The following ZNF697 variants were observed in gnomAD, a reference collection of about 807,000 sequenced individuals.
ZNF697 encodes the protein zinc finger protein 697.
A neutral mutation model predicts 32.4 loss-of-function variants in ZNF697; 23 were observed. That is an observed-to-expected ratio of 0.71 (90% confidence interval 0.51 to 1.01). The LOEUF is 1.01. Ranked by LOEUF, ZNF697 falls within the 50% of genes least tolerant of loss-of-function variation. The pLI, the probability that ZNF697 is intolerant of heterozygous loss-of-function variation, is 0.00. For synonymous variants in ZNF697, 418 were observed against 337.2 expected (o/e 1.24, Z -2.62); for missense variants, 930 against 794.0 (o/e 1.17, Z -2.06).
chr1:119,641,181 C>T (rs193135478), intron 1 of ZNF697, among the ~76,000 whole-genome samples: 4 of 152,250 alleles, frequency 2.6e-5, no homozygotes, highest in Non-Finnish European at 1.5e-5. Flanking sequence ...GTGGCAACTG[C>T]CCCCCAGACT....
intron 1 of ZNF697, among the ~76,000 whole-genome samples, chr1:119,645,624 T>C (rs187186715): frequency 6.6e-6 from 1 of 152,126 alleles, no homozygotes; most frequent in Admixed American, 6.5e-5. Context: ...GATGGGTAGG[T>C]AAATTGGGGT....
chr1:119,627,657 C>T (rs587603460), intron 1 of ZNF697, among the ~76,000 whole-genome samples: 7 of 152,280 alleles, frequency 4.6e-5, no homozygotes, highest in South Asian at 2.1e-4. Context: ...TTCTGAGAGA[C>T]GATGATGCGC....
intron 1 of ZNF697, among the ~76,000 whole-genome samples, chr1:119,635,025 G>A (rs749340302): frequency 2.4e-4 from 37 of 152,184 alleles, no homozygotes; most frequent in South Asian, 6.2e-4. Flanking sequence ...CTGGGGTACA[G>A]ATGAAACAAT....
At chr1:119,632,056 A>C (rs587746541) in intron 1 of ZNF697, among the ~76,000 whole-genome samples, 1 of 152,078 alleles carries the variant, frequency 6.6e-6, no homozygotes, top group South Asian at 2.1e-4. Context: ...TCATTTGTCC[A>C]TCTTCAGCAC....
rs769097964 is a variant in ZNF697, at chr1:119,623,980, G to T, written c.363C>A (p.Asp121Glu). ...SISRSLREDD[D>E]ESAGENRLEE... ...CCAGCCGGTTCTCCCCAGCACTCTC[G>T]TCGTCGTCCTCCCGGAGGCTCCGGG... Residue 121 changes from aspartate to glutamate, a missense_variant, in exon 3 of 3, where the codon GAC becomes GAA. Asp to Glu is a conservative substitution (Grantham distance 45). Coordinates refer to ENST00000421812, the MANE Select transcript of ZNF697 (RefSeq NM_001080470.2). 1 of 1,610,782 alleles carries T rather than the reference G, an allele frequency of 6.2e-7. No individual in the cohort carries two copies.
Position 119,623,845 on chromosome 1 carries a change from G to C in ZNF697, c.498C>G (p.Leu166=). Residue 166 remains leucine (L), a synonymous_variant, in exon 3 of 3, where the codon CTC becomes CTG. Coordinates refer to ENST00000421812, the MANE Select transcript of ZNF697 (RefSeq NM_001080470.2). ...CGAGGTCCACGGCCATGGGGTGGTG[G>C]AGCCGGTGGAAGCGGCGGTGGGCGG... ...DKPAHRRFHR[L]HHPMAVDLGE... 6.5e-7 allele frequency: 1 copy of C among 1,544,348 alleles called. No homozygotes were observed. The highest frequency in any genetic ancestry group is 8.8e-7 in the Non-Finnish European group (1 of 1,142,674).
rs1345924609 is a variant in ZNF697 at position 119,623,284 on chromosome 1, G to T, written c.1059C>A (p.Phe353Leu). Residue 353 changes from phenylalanine to leucine, a missense_variant, in exon 3 of 3, where the codon TTC becomes TTA. Coordinates refer to ENST00000421812, the MANE Select transcript of ZNF697 (RefSeq NM_001080470.2). ...AGCCCTTGCCGCACTCCCCGCAGGC[G>T]AAGGGCCGCAGCGCCGCCGCCCCCG... is the stretch of plus-strand genomic sequence containing the variant. ...SGAGAAALRP[F>L]ACGECGKGFV... 7 of 1,471,490 alleles carry T rather than the reference G, an allele frequency of 4.8e-6. No homozygotes were observed. The Admixed American group carries it at 9.7e-5, about 20-fold the overall frequency. 91.2% of individuals were successfully genotyped at this position (1,471,490 alleles called of 1,614,324 possible). A position where few individuals can be genotyped will look rare whatever the true frequency, so the allele number is the denominator to read the frequency against.
At chr1:119,626,761 G>A (rs1184485308) in intron 1 of ZNF697, among the ~76,000 whole-genome samples, 1 of 152,232 alleles carries the variant, frequency 6.6e-6, no homozygotes, top group Admixed American at 6.5e-5. Context: ...CCTGGCTTTT[G>A]TAGTGAGGAT....
In ZNF697 at chr1:119,623,994, G is replaced by C; in HGVS notation, c.349C>G (p.Arg117Gly). 6.2e-7 allele frequency: 1 copy of C among 1,612,182 alleles called. No individual in the cohort carries two copies. Among genetic ancestry groups the C allele is most frequent in the East Asian group, 2.2e-5 (1 of 44,820 alleles). Residue 117 changes from arginine to glycine, a missense_variant, in exon 3 of 3, where the codon CGG (arginine) becomes GGG (glycine). By Grantham distance (125) the Arg-to-Gly change is moderately radical (BLOSUM62 -2). Transcript: ENST00000421812. ...CCAGCACTCTCGTCGTCGTCCTCCCGGAGGCTCCGGGATATGCTGTCAGAC... is the reference window on the plus strand; with the variant it reads ...CCAGCACTCTCGTCGTCGTCCTCCCCGAGGCTCCGGGATATGCTGTCAGAC... ...SESDSISRSL[R>G]EDDDESAGEN...
chr1:119,623,057 C>T lies in ZNF697; in HGVS notation c.1286G>A (p.Arg429His). Reference protein sequence around the residue: ...SVSSHLFTHKRTHSGERPYVC... With the variant: ...SVSSHLFTHKHTHSGERPYVC... The stretch of plus-strand genomic sequence containing the variant: ...GTAGGGCCGCTCACCCGAGTGCGTG[C>T]GCTTGTGCGTGAAGAGGTGCGAGCT... Residue 429 changes from arginine (R) to histidine (H), a missense_variant, in exon 3 of 3, where the codon CGC (arginine) becomes CAC (histidine). Transcript: ENST00000421812. 3 of 1,586,474 alleles carry T rather than the reference C, an allele frequency of 1.9e-6. No homozygotes were observed. The highest frequency in any genetic ancestry group is 2.6e-6 in the Non-Finnish European group (3 of 1,166,686).
At position 119,631,334 on chromosome 1, in the gene ZNF697, A is replaced by G. The variant is rs1289437075; in HGVS notation, c.-37-5197T>C. Among the ~76,000 whole-genome samples the G allele has an allele frequency of 3.9e-5, 6 of 152,354 alleles. No homozygotes were observed. The East Asian group carries it at 1.2e-3, about 29-fold the overall frequency. On this transcript the variant is annotated intron_variant, in intron 1 of 2. Transcript: ENST00000421812. The stretch of plus-strand genomic sequence containing the variant: ...CGGGTCCATCTCCTTTGACTCCAGT[A>G]ACTGAGAGGTAAATCAGGGTGACCC...
chr1:119,623,134 G>C lies in ZNF697; in HGVS notation c.1209C>G (p.His403Gln). ...AGCACATGTAGGGCTTCTCGCCCGTGTGCACGCGCTGGTGCTTCACCAAGT... is the reference window on the plus strand; with the variant it reads ...AGCACATGTAGGGCTTCTCGCCCGTCTGCACGCGCTGGTGCTTCACCAAGT... Reference protein sequence around the residue: ...RSDLVKHQRVHTGEKPYMCSE... With the variant: ...RSDLVKHQRVQTGEKPYMCSE... The change falls in exon 3 of 3, where the codon CAC (histidine) becomes CAG (glutamine). Residue 403 changes from histidine (H) to glutamine (Q), a missense_variant. Physicochemically the swap from His to Gln is conservative, Grantham distance 24. Coordinates refer to ENST00000421812, the MANE Select transcript of ZNF697 (RefSeq NM_001080470.2). 6.3e-7 allele frequency: 1 copy of C among 1,591,406 alleles called. No individual in the cohort carries two copies. The highest frequency in any genetic ancestry group is 8.6e-7 in the Non-Finnish European group (1 of 1,169,314).
rs10494228 is a variant in ZNF697, at chr1:119,635,202, G to T, written c.-37-9065C>A. ...GGTTATTTATGTTCATTTAAGTTTT[G>T]GCCAGAACATAATAAAATATCAGTG... is the stretch of plus-strand genomic sequence containing the variant. On this transcript the variant is annotated intron_variant, in intron 1 of 2. Coordinates refer to ENST00000421812, the MANE Select transcript of ZNF697 (RefSeq NM_001080470.2). Among the ~76,000 whole-genome samples the T allele has an allele frequency of 8.8e-3, 1,333 of 151,848 alleles. 11 individuals are homozygous for T. Among genetic ancestry groups the T allele is most frequent in the Non-Finnish European group, 0.013 (877 of 67,930 alleles).
In ZNF697 at chr1:119,620,166, G is replaced by A. The variant is rs1648265590; in HGVS notation, c.*2539C>T. The A allele has an allele frequency of 1.3e-5, 2 of 152,744 alleles. No homozygotes were observed. Among genetic ancestry groups the A allele is most frequent in the East Asian group, 1.9e-4 (1 of 5,184 alleles). The allele number at this position is 152,744 out of a possible 1,614,324, so 9.5% of individuals were successfully genotyped here. ...TTCTTCTGCTAAGAATGTGCTCATA[G>A]AAGGGATATCAACGTAGCAGCTGAC... On this transcript the variant is annotated 3_prime_UTR_variant, in exon 3 of 3. Coordinates refer to ENST00000421812, the MANE Select transcript of ZNF697 (RefSeq NM_001080470.2).
At position 119,621,822 on chromosome 1, in the gene ZNF697, A is replaced by G. The variant is rs942609195; in HGVS notation, c.*883T>C. 2 of 152,244 alleles carry G rather than the reference A, an allele frequency of 1.3e-5. No homozygotes were observed. Among genetic ancestry groups the G allele is most frequent in the East Asian group, 3.8e-4 (2 of 5,204 alleles). 9.4% of individuals were successfully genotyped at this position (152,244 alleles called of 1,614,324 possible). A position where few individuals can be genotyped will look rare whatever the true frequency, so the allele number is the denominator to read the frequency against. On this transcript the variant is annotated 3_prime_UTR_variant, in exon 3 of 3. Coordinates refer to ENST00000421812, the MANE Select transcript of ZNF697 (RefSeq NM_001080470.2). ...ACACCTACATCAAGGTGAGGTGGGA[A>G]AAGGAAAGTCACACATAGCTGTGAT...
intron 1 of ZNF697, among the ~76,000 whole-genome samples, chr1:119,637,814 T>C (rs1648963637): frequency 6.6e-6 from 1 of 152,162 alleles, no homozygotes; most frequent in African/African-American, 2.4e-5. Context: ...GAACATCTTG[T>C]TGGCTAGAAA....
At position 119,623,872 on chromosome 1, in the gene ZNF697, C is replaced by T; in HGVS notation, c.471G>A (p.Lys157=). ...LSLGSRHRGD[K]PAHRRFHRLH... ...GCCGGTGGAAGCGGCGGTGGGCGGG[C>T]TTGTCACCTCGGTGCCGACTCCCCA... The change falls in exon 3 of 3, where the codon AAG becomes AAA. Residue 157 remains lysine (K), a synonymous_variant. Coordinates refer to ENST00000421812, the MANE Select transcript of ZNF697 (RefSeq NM_001080470.2). The T allele has an allele frequency of 1.3e-6, 2 of 1,541,396 alleles. No individual in the cohort carries two copies. Among genetic ancestry groups the T allele is most frequent in the Non-Finnish European group, 1.8e-6 (2 of 1,140,832 alleles).
chr1:119,643,977 G>T (rs368802962), intron 1 of ZNF697, among the ~76,000 whole-genome samples: 6 of 152,192 alleles, frequency 3.9e-5, no homozygotes, highest in African/African-American at 1.4e-4. Flanking sequence ...AATATTTCGT[G>T]CCTCCATTTC....
In ZNF697 at chr1:119,648,202, T is replaced by TTGGCTGGCTGGC. The variant is rs587734493; in HGVS notation, c.-561_-550dup. ...GCTGGGTGGCCCGCTGGCTGGCTGG[T>TTGGCTGGCTGGC]TGGCTGGCTGGCTGGCTGGCTGGCT... is the stretch of plus-strand genomic sequence containing the variant. On this transcript the variant is annotated 5_prime_UTR_variant, in exon 1 of 3. Coordinates refer to ENST00000421812, the MANE Select transcript of ZNF697 (RefSeq NM_001080470.2). Among the ~76,000 whole-genome samples the TTGGCTGGCTGGC allele has an allele frequency of 0.11, 16,164 of 150,342 alleles. 1,191 individuals are homozygous for TTGGCTGGCTGGC. The highest frequency in any genetic ancestry group is 0.16 in the Non-Finnish European group (10,722 of 67,282).
Sources: gnomAD v4.1 joint callset for allele counts (sites outside exome capture counted in the v4.1 genomes callset) on GRCh38, gnomAD v4.1.1 for gene constraint, MANE v1.5 for transcripts, NCBI Gene and HGNC (gene_info 2026-07-23, HGNC 2026-07-21) for gene names.